Variants in NLGN4X observed in about 807,000 individuals in gnomAD.
The protein encoded by NLGN4X is neuroligin-4, X-linked.
A neutral mutation model predicts 40.3 loss-of-function variants in NLGN4X; 3 were observed. The ratio of observed to expected loss-of-function variants is 0.07; its 90% CI spans 0.03 to 0.19. NLGN4X has a LOEUF of 0.19. Ranked by LOEUF, NLGN4X falls within the 10% of genes least tolerant of loss-of-function variation. The probability of loss-of-function intolerance (pLI) is 1.00; values close to 1 mark genes in which losing one functional copy is unlikely to be tolerated. For synonymous variants in NLGN4X, 270 were observed against 306.8 expected, an observed-to-expected ratio of 0.88 and a Z score of 1.25; for missense variants, 382 against 708.3, an observed-to-expected ratio of 0.54 and a Z score of 5.23.
chrX:5,991,611 C>T (rs1215009951), intron 3 of NLGN4X: 4 of 451,267 alleles, frequency 8.9e-6, no homozygotes, highest in Non-Finnish European at 8.3e-6. Flanking sequence ...TCTCAGCATG[C>T]AGTGTTCAGA....
rs761564202 is a variant in NLGN4X, at chrX:5,892,797, G to A, written c.*20C>T. The A allele has an allele frequency of 2.0e-5, 24 of 1,208,188 alleles. No individual in the cohort carries two copies. Among genetic ancestry groups the A allele is most frequent in the East Asian group, 3.0e-5 (1 of 33,740 alleles). On this transcript the variant is annotated 3_prime_UTR_variant, in exon 6 of 6. Transcript: ENST00000381095. ...GCTGAGCGGGTAGGGCAGAGGGATA[G>A]GAAGGGAAATAGGGCAAAGCTATAC...
chrX:6,006,390 C>T (rs759256878), intron 3 of NLGN4X, among the ~76,000 whole-genome samples: 7 of 110,375 alleles, frequency 6.3e-5, no homozygotes, highest in Admixed American at 2.0e-4. Context: ...TAGATCCAAA[C>T]GCCAGATTAA....
chrX:6,134,485 T>A (rs2039767574), intron 2 of NLGN4X, among the ~76,000 whole-genome samples: 1 of 111,923 alleles, frequency 8.9e-6, no homozygotes, highest in Admixed American at 9.5e-5. Flanking sequence ...CATCATTGCA[T>A]GGATTACACT....
At position 5,903,713 on chromosome X, in the gene NLGN4X, T is replaced by C. The variant is rs758955774; in HGVS notation, c.965A>G (p.Asn322Ser). 1.7e-6 allele frequency: 2 copies of C among 1,209,811 alleles called. No individual in the cohort carries two copies. The highest frequency in any genetic ancestry group is 2.2e-6 in the Non-Finnish European group (2 of 895,227). Reference sequence around the variant, plus strand: ...GGTCTGCTGGATGAGCTCCTTGTAGTTCTTGTTCCGCAGGCATTCTACCAT... The same window carrying C: ...GGTCTGCTGGATGAGCTCCTTGTAGCTCTTGTTCCGCAGGCATTCTACCAT... Reference protein sequence around the residue: ...TDMVECLRNKNYKELIQQTIT... With the variant: ...TDMVECLRNKSYKELIQQTIT... Residue 322 changes from asparagine to serine, a missense_variant, in exon 5 of 6, where the codon AAC becomes AGC. By Grantham distance (46) the Asn-to-Ser change is conservative. This residue lies in a region of NLGN4X where 29 missense variants were observed against 32.1 expected (regional missense o/e 0.90). Coordinates refer to ENST00000381095, the MANE Select transcript of NLGN4X (RefSeq NM_181332.3).
chrX:5,945,321 C>G (rs1013053226), intron 3 of NLGN4X, among the ~76,000 whole-genome samples: 1 of 111,454 alleles, frequency 9.0e-6, no homozygotes, highest in African/African-American at 3.3e-5. Context: ...AGTGAACTTA[C>G]TAAAAACAAC....
At chrX:6,087,943 A>T (rs181484291) in intron 2 of NLGN4X, among the ~76,000 whole-genome samples, 421 of 110,762 alleles carry the variant, frequency 3.8e-3, no homozygotes, top group African/African-American at 0.012. Flanking sequence ...GTTTTTCTCT[A>T]TTTTTCTCTA....
At chrX:6,061,979 C>T (rs779015747) in intron 2 of NLGN4X, among the ~76,000 whole-genome samples, 2 of 111,912 alleles carry the variant, frequency 1.8e-5, no homozygotes, top group East Asian at 5.6e-4. Context: ...TATTCCGCCT[C>T]ATAGCTTTAG....
intron 2 of NLGN4X, among the ~76,000 whole-genome samples, chrX:6,073,747 G>T (rs571299703): frequency 6.2e-4 from 69 of 111,207 alleles, no homozygotes; most frequent in African/African-American, 2.2e-3. Context: ...AAGCATGTTT[G>T]CACAACAATG....
rs756651509 is a variant in NLGN4X, at chrX:6,151,166, G to A, written c.301C>T (p.Arg101Ter). Residue 101 changes from arginine to a stop codon, truncating the protein, a stop_gained, in exon 2 of 6, where the codon CGA becomes TGA. Coordinates refer to ENST00000381095, the MANE Select transcript of NLGN4X (RefSeq NM_181332.3). LOFTEE classifies it high-confidence loss of function. ...ACAGCAGCAAACTGAGTAGTATTTC[G>A]GATGCCAGTCCAGGAGGACGGGGGT... is the stretch of plus-strand genomic sequence containing the variant. ...PEPPSSWTGI[R>*]NTTQFAAVCP... is the part of the protein sequence containing the mutation. 1.7e-6 allele frequency: 2 copies of A among 1,211,790 alleles called. No homozygotes were observed. Among genetic ancestry groups the A allele is most frequent in the Non-Finnish European group, 2.2e-6 (2 of 895,499 alleles).
intron 2 of NLGN4X, among the ~76,000 whole-genome samples, chrX:6,099,024 T>C (rs998535622): frequency 3.6e-5 from 4 of 112,174 alleles, no homozygotes; most frequent in African/African-American, 1.3e-4. Flanking sequence ...CTCTTCCCAC[T>C]AGACATCAGC....
At chrX:5,972,754 TG>T (rs1196912401) in intron 3 of NLGN4X, among the ~76,000 whole-genome samples, 1 of 470 alleles carries the variant, frequency 2.1e-3, no homozygotes, top group Non-Finnish European at 5.1e-3. Context: ...GAAGACAAGG[TG>T]GGGGGCGGGG....
At chrX:6,088,321 C>A (rs1458521883) in intron 2 of NLGN4X, among the ~76,000 whole-genome samples, 1 of 112,053 alleles carries the variant, frequency 8.9e-6, no homozygotes, top group Non-Finnish European at 1.9e-5. Flanking sequence ...TGGTCCACGG[C>A]TAGAGCCCAT....
rs1285099310 is a variant in NLGN4X, at chrX:5,913,049, G to GGGAA, written c.626-3814_626-3811dup. On this transcript the variant is annotated intron_variant, in intron 3 of 5. Coordinates refer to ENST00000381095, the MANE Select transcript of NLGN4X (RefSeq NM_181332.3). ...AAGTAAGGAAGGTGGGAGGGAGGGA[G>GGGAA]GGAAGGAAGGAAGGAAGGAAGAAAG... Among the ~76,000 whole-genome samples the GGGAA allele has an allele frequency of 3.4e-3, 285 of 84,647 alleles. 2 individuals are homozygous for GGGAA. The highest frequency in any genetic ancestry group is 5.1e-3 in the Non-Finnish European group (224 of 44,276). 73.5% of individuals were successfully genotyped at this position (84,647 alleles called of 115,157 possible). A position where few individuals can be genotyped will look rare whatever the true frequency, so the allele number is the denominator to read the frequency against.
rs2032605354 is a variant in NLGN4X, at chrX:5,913,342, T to C, written c.626-4103A>G. On this transcript the variant is annotated intron_variant, in intron 3 of 5. Transcript: ENST00000381095. ...TCAACTTGGAAAGAGCCACACATGA[T>C]ACCAAAGATGAGTGCTGCTCCTGAG... 2.7e-5 allele frequency among the ~76,000 whole-genome samples: 3 copies of C among 111,524 alleles called. No homozygotes were observed. In the Admixed American group the frequency reaches 2.9e-4, roughly 11 times the overall value.
At chrX:5,959,858 A>C (rs1411395037) in intron 3 of NLGN4X, among the ~76,000 whole-genome samples, 1 of 111,291 alleles carries the variant, frequency 9.0e-6, no homozygotes, top group East Asian at 2.8e-4. Flanking sequence ...AGATTTCTAC[A>C]CCAGGGCCCT....
chrX:5,994,269 T>C lies in NLGN4X; in HGVS notation c.625+35011A>G, dbSNP rs1055094124. Among the ~76,000 whole-genome samples, 3 of 111,793 alleles carry C rather than the reference T, an allele frequency of 2.7e-5. No homozygotes were observed. In the Admixed American group the frequency reaches 2.9e-4, roughly 11 times the overall value. ...AGGATAAAGAAGGCTACCGATTAGA[T>C]TGAGATGTAAGAAGCATTTGCTGCC... is the stretch of plus-strand genomic sequence containing the variant. On this transcript the variant is annotated intron_variant, in intron 3 of 5. Coordinates refer to ENST00000381095, the MANE Select transcript of NLGN4X (RefSeq NM_181332.3).
At chrX:6,153,635 T>C (rs748423688) in intron 1 of NLGN4X, among the ~76,000 whole-genome samples, 1 of 112,380 alleles carries the variant, frequency 8.9e-6, no homozygotes, top group East Asian at 2.8e-4. Flanking sequence ...CCTCAAGGTA[T>C]TGCACATTCC....
chrX:6,042,726 T>TATAC (rs2037199047), intron 2 of NLGN4X, among the ~76,000 whole-genome samples: 1 of 28,305 alleles, frequency 3.5e-5, no homozygotes, highest in African/African-American at 1.4e-4. Context: ...TATATATATA[T>TATAC]ATATACACAC....
chrX:5,976,733 A>G (rs150946611), intron 3 of NLGN4X, among the ~76,000 whole-genome samples: 7,668 of 112,678 alleles, frequency 0.068, 633 homozygotes, highest in African/African-American at 0.23. Context: ...TTACACTACA[A>G]TTAAGCCTCC....
Sources: allele counts gnomAD v4.1 joint callset (sites outside exome capture counted in the v4.1 genomes callset), GRCh38; gene constraint gnomAD v4.1.1; regional missense constraint gnomAD v4.1.1; transcripts MANE v1.5; gene names NCBI Gene and HGNC (gene_info 2026-07-23, HGNC 2026-07-21).